Variants in PCM1 observed in about 807,000 individuals in gnomAD.
The protein encoded by PCM1 is pericentriolar material 1.
In PCM1, 157 loss-of-function variants were observed where a neutral mutation model predicts 241.9. The ratio of observed to expected loss-of-function variants is 0.65; its 90% CI spans 0.57 to 0.74. PCM1 has a LOEUF of 0.74. PCM1 is among the 30% of genes least tolerant of loss of function. The probability of loss-of-function intolerance (pLI) is 0.00; values close to 1 mark genes in which losing one functional copy is unlikely to be tolerated. For synonymous variants in PCM1, 1,085 were observed against 784.9 expected (o/e 1.38, Z -6.39); for missense variants, 3,478 against 2,360.1 (o/e 1.47, Z -9.81).
intron 2 of PCM1, chr8:17,925,913 C>G (rs1003051519): frequency 2.0e-5 from 3 of 152,046 alleles, no homozygotes; most frequent in African/African-American, 7.2e-5. Context: ...TATTTTATAG[C>G]TCTCCTATGA....
At chr8:17,947,095 G>A in intron 6 of PCM1, 91 bp from the exon 7 acceptor site, 1 of 690,356 alleles carries the variant, frequency 1.4e-6, no homozygotes, top group South Asian at 2.3e-5. Context: ...TTAATAATTT[G>A]TTATCAATGT....
intron 21 of PCM1, among the ~76,000 whole-genome samples, chr8:17,969,017 A>G (rs924168651): frequency 1.3e-5 from 2 of 152,042 alleles, no homozygotes; most frequent in East Asian, 1.9e-4. Flanking sequence ...AAACCTTCCC[A>G]GTCTCTTTCC....
chr8:17,924,870 A>G (rs1439800488), intron 2 of PCM1, 90 bp downstream of exon 2: 1 of 152,198 alleles, frequency 6.6e-6, no homozygotes, highest in African/African-American at 2.4e-5. Context: ...ACAGTGCATG[A>G]CTGAGGATCC....
In PCM1 at chr8:18,014,766, T is replaced by A. The variant is rs1447278606; in HGVS notation, c.5767T>A (p.Ser1923Thr). ...PLVPRVKEVK[S>T]AQETPESSLA... ...AGTGCCTAGAGTCAAAGAAGTTAAA[T>A]CTGCTCAGGAAACTCCTGAAAGCTC... is the stretch of plus-strand genomic sequence containing the variant. Residue 1923 changes from serine to threonine, a missense_variant, in exon 36 of 39, where the codon TCT becomes ACT. Ser to Thr is a moderately conservative substitution (Grantham distance 58). Transcript: ENST00000325083. 1.2e-6 allele frequency: 2 copies of A among 1,611,598 alleles called. No homozygotes were observed. The highest frequency in any genetic ancestry group is 2.2e-5 in the South Asian group (2 of 90,932).
In PCM1 at chr8:17,985,434, T is replaced by C. The variant is rs767431523; in HGVS notation, c.4109-13T>C. On this transcript the variant is annotated splice_polypyrimidine_tract_variant and intron_variant, in intron 24 of 38. Transcript: ENST00000325083. Reference sequence around the variant, plus strand: ...TCATCAATATTAACTTTCTGGTCTTTTATGTATTCCAGAAACTGGGAGTGA... The same window carrying C: ...TCATCAATATTAACTTTCTGGTCTTCTATGTATTCCAGAAACTGGGAGTGA... 2.6e-6 allele frequency: 4 copies of C among 1,538,618 alleles called. No individual in the cohort carries two copies. The highest frequency in any genetic ancestry group is 3.5e-6 in the Non-Finnish European group (4 of 1,138,998).
chr8:17,972,708 A>G (rs779160379), intron 23 of PCM1, 21 bp downstream of exon 23: 23 of 1,411,954 alleles, frequency 1.6e-5, no homozygotes, highest in Non-Finnish European at 2.1e-5. Context: ...AAATTTGTTG[A>G]ATGTTGATCA....
Position 17,928,767 on chromosome 8 carries a change from G to A in PCM1, c.-23+3987G>A, listed in dbSNP as rs2058013347. On this transcript the variant is annotated intron_variant, in intron 2 of 38. Coordinates refer to ENST00000325083, the MANE Select transcript of PCM1 (RefSeq NM_006197.4). ...CTGCCTCAGCCTCTCTTGTAGCTGG[G>A]ATTACAGGCATGTGCCACCATACCT... Among the ~76,000 whole-genome samples the A allele has an allele frequency of 1.3e-5, 2 of 151,802 alleles. 1 individual carries two copies. Among genetic ancestry groups the A allele is most frequent in the South Asian group, 4.2e-4 (2 of 4,810 alleles).
intron 29 of PCM1, among the ~76,000 whole-genome samples, chr8:18,003,261 A>G (rs2090205988): frequency 6.6e-6 from 1 of 152,226 alleles, no homozygotes. Context: ...AATGACTGGA[A>G]TCTTCAACCC....
rs1330957747 is a variant in PCM1 at position 17,994,787 on chromosome 8, A to G, written c.4827+1168A>G. Among the ~76,000 whole-genome samples the G allele has an allele frequency of 3.4e-5, 5 of 147,102 alleles. 1 individual carries two copies. The highest frequency in any genetic ancestry group is 1.4e-4 in the African/African-American group (5 of 36,654). On this transcript the variant is annotated intron_variant, in intron 29 of 38. Transcript: ENST00000325083. The stretch of plus-strand genomic sequence containing the variant: ...AGTTTTGATTGTCATTTCCGTGATC[A>G]TGTTGAGCACCTTTTATGTGCCTGT...
chr8:17,938,507 T>C (rs1311448277), intron 4 of PCM1, among the ~76,000 whole-genome samples: 28 of 152,194 alleles, frequency 1.8e-4, no homozygotes, highest in Admixed American at 1.8e-3. Flanking sequence ...ACCTTGTTCA[T>C]ATTCGTCAGT....
intron 9 of PCM1, among the ~76,000 whole-genome samples, chr8:17,954,980 C>G (rs562451325): frequency 3.3e-4 from 50 of 152,110 alleles, no homozygotes; most frequent in Non-Finnish European, 5.9e-4. Context: ...GTGACATCCC[C>G]CTGATCTGTG....
intron 13 of PCM1, among the ~76,000 whole-genome samples, chr8:17,959,029 C>T (rs534507194): frequency 2.6e-5 from 4 of 152,214 alleles, no homozygotes; most frequent in Non-Finnish European, 5.9e-5. Context: ...CTAATAAACT[C>T]TGTCTTTACC....
intron 36 of PCM1, chr8:18,015,798 C>G (rs886436622): frequency 6.6e-6 from 1 of 152,242 alleles, no homozygotes; most frequent in Non-Finnish European, 1.5e-5. Flanking sequence ...GTCCATTGTG[C>G]TCACTGCTTT....
chr8:17,930,915 T>G (rs1297030256), intron 2 of PCM1, among the ~76,000 whole-genome samples: 2 of 152,148 alleles, frequency 1.3e-5, no homozygotes, highest in African/African-American at 4.8e-5. Context: ...ATGCAATTAT[T>G]TCTTTAGCTT....
intron 26 of PCM1, among the ~76,000 whole-genome samples, chr8:17,987,934 T>A (rs1234457821): frequency 6.6e-6 from 1 of 151,846 alleles, no homozygotes; most frequent in African/African-American, 2.4e-5. Context: ...AGCCTCATTC[T>A]CTAGATGCTT....
intron 13 of PCM1, 39 bp downstream of exon 13, chr8:17,957,814 A>G (rs2069333843): frequency 7.4e-7 from 1 of 1,359,178 alleles, no homozygotes; most frequent in Non-Finnish European, 1.0e-6. Context: ...TATTTGTCAA[A>G]TAGTACAGTC....
Position 18,027,858 on chromosome 8 carries a change from CTG to C in PCM1, c.*200_*201del, listed in dbSNP as rs1239130796. ...CTGGACAGATTTAAGCCTTGACACA[CTG>C]TGTTTTTTTTTTTTTCCCCCTTCTT... On this transcript the variant is annotated 3_prime_UTR_variant, in exon 39 of 39. Transcript: ENST00000325083. 2.0e-5 allele frequency: 8 copies of C among 395,360 alleles called. No individual in the cohort carries two copies. The highest frequency in any genetic ancestry group is 1.3e-4 in the African/African-American group (6 of 47,692). The allele number at this position is 395,360 out of a possible 1,614,324, so 24.5% of individuals were successfully genotyped here. A position where few individuals can be genotyped will look rare whatever the true frequency, so the allele number is the denominator to read the frequency against.
At chr8:17,952,890 T>C (rs2066617851) in intron 8 of PCM1, 80 bp from the exon 9 acceptor site, 1 of 831,816 alleles carries the variant, frequency 1.2e-6, no homozygotes, top group Non-Finnish European at 1.8e-6. Context: ...TTATAAAGAA[T>C]ATTTATGCAT....
rs1259684440 is a variant in PCM1 at position 18,025,341 on chromosome 8, T to C, written c.5842-20T>C. The C allele has an allele frequency of 8.4e-6, 11 of 1,306,868 alleles. No individual in the cohort carries two copies. The highest frequency in any genetic ancestry group is 7.5e-5 in the Admixed American group (4 of 53,586). The allele number at this position is 1,306,868 out of a possible 1,614,324, so 81.0% of individuals were successfully genotyped here. Reference sequence around the variant, plus strand: ...GGTTTGGATCTAGAGTATGTATTTTTTTTTTTCATTACATTACAGGAAGCA... The same window carrying C: ...GGTTTGGATCTAGAGTATGTATTTTCTTTTTTCATTACATTACAGGAAGCA... On this transcript the variant is annotated intron_variant, in intron 36 of 38. Coordinates refer to ENST00000325083, the MANE Select transcript of PCM1 (RefSeq NM_006197.4).
Sources: gnomAD v4.1 joint callset for allele counts (sites outside exome capture counted in the v4.1 genomes callset) on GRCh38, gnomAD v4.1.1 for gene constraint, MANE v1.5 for transcripts, NCBI Gene and HGNC (gene_info 2026-07-23, HGNC 2026-07-21) for gene names.